CECR2: variants seen among roughly 807,000 people sequenced by gnomAD.
The protein encoded by CECR2 is CECR2 histone acetyl-lysine reader.
CECR2 carries 30 observed loss-of-function variants against 154.5 expected under a neutral mutation model. The ratio of observed to expected loss-of-function variants is 0.19; its 90% CI spans 0.15 to 0.26. The LOEUF is 0.26. Ranked by LOEUF, CECR2 falls within the 10% of genes least tolerant of loss-of-function variation. The probability of loss-of-function intolerance (pLI) is 1.00; values close to 1 mark genes in which losing one functional copy is unlikely to be tolerated. For missense variants in CECR2, 1,743 were observed against 1,829.3 expected, an observed-to-expected ratio of 0.95 and a Z score of 0.86; for synonymous variants, 725 against 683.7, an observed-to-expected ratio of 1.06 and a Z score of -0.94.
intron 1 of CECR2, chr22:17,424,637 A>C (rs2054304159): frequency 6.1e-6 from 1 of 163,470 alleles, no homozygotes; most frequent in Non-Finnish European, 1.5e-5. Context: ...CCCAATGGCC[A>C]AAGTACACTC....
chr22:17,501,412 G>T (rs1486156397), intron 5 of CECR2, among the ~76,000 whole-genome samples: 1 of 152,038 alleles, frequency 6.6e-6, no homozygotes, highest in Non-Finnish European at 1.5e-5. Flanking sequence ...CAAAAAATTA[G>T]CCAGTCGTGG....
Position 17,504,972 on chromosome 22 carries a change from A to T in CECR2, c.826A>T (p.Ser276Cys). The T allele has an allele frequency of 6.2e-7, 1 of 1,613,512 alleles. No homozygotes were observed. Among genetic ancestry groups the T allele is most frequent in the Non-Finnish European group, 8.5e-7 (1 of 1,179,840 alleles). ...LRERQLYKLLSEDFLPEICNM... is the reference protein window; with the variant it reads ...LRERQLYKLLCEDFLPEICNM... ...AGAACGGCAGCTCTACAAGCTCCTC[A>T]GTGAGGACTTCCTGCCTGAGATCTG... The change falls in exon 7 of 19, where the codon AGT (serine) becomes TGT (cysteine). Residue 276 changes from serine (S) to cysteine (C), a missense_variant. Physicochemically the swap from Ser to Cys is moderately radical, Grantham distance 112. Transcript: ENST00000262608.
chr22:17,408,915 T>C (rs1377511950), intron 1 of CECR2, among the ~76,000 whole-genome samples: 1 of 152,178 alleles, frequency 6.6e-6, no homozygotes, highest in Non-Finnish European at 1.5e-5. Context: ...CTGCATCTTC[T>C]ACCTTCCTTA....
intron 9 of CECR2, among the ~76,000 whole-genome samples, chr22:17,535,869 A>G (rs2056429838): frequency 6.6e-6 from 1 of 152,214 alleles, no homozygotes; most frequent in Non-Finnish European, 1.5e-5. Context: ...GTCAAATGCA[A>G]CCCAACAGGG....
At chr22:17,436,068 C>G (rs1442282889) in intron 1 of CECR2, among the ~76,000 whole-genome samples, 3 of 152,206 alleles carry the variant, frequency 2.0e-5, no homozygotes, top group Non-Finnish European at 4.4e-5. Flanking sequence ...AAGAGATTCT[C>G]CTGCCTCAGC....
chr22:17,489,538 C>G (rs1003716311), intron 2 of CECR2, among the ~76,000 whole-genome samples: 15 of 152,204 alleles, frequency 9.9e-5, no homozygotes, highest in Non-Finnish European at 2.9e-5. Flanking sequence ...CCACTGCAGC[C>G]TCGACCTCCT....
At chr22:17,478,715 T>C (rs2055254055) in intron 2 of CECR2, among the ~76,000 whole-genome samples, 1 of 152,170 alleles carries the variant, frequency 6.6e-6, no homozygotes, top group South Asian at 2.1e-4. Context: ...ACGATGCTTG[T>C]TGTTAATGTG....
At chr22:17,511,331 C>T (rs559993115) in intron 7 of CECR2, among the ~76,000 whole-genome samples, 2 of 152,268 alleles carry the variant, frequency 1.3e-5, no homozygotes, top group Admixed American at 1.3e-4. Context: ...GCTCGCTGAG[C>T]CCTTTTCCCA....
At position 17,477,600 on chromosome 22, in the gene CECR2, G is replaced by A. The variant is rs754934325; in HGVS notation, c.139G>A (p.Ala47Thr). 1.2e-6 allele frequency: 2 copies of A among 1,611,990 alleles called. No individual in the cohort carries two copies. Among genetic ancestry groups the A allele is most frequent in the East Asian group, 2.2e-5 (1 of 44,876 alleles). ...CTCCCTCCCTCAGGAGTTAGAAGCC[G>A]CTCTTCACAGAGATGACGTGGAGTT... ...PDFEIEELEA[A>T]LHRDDVEFIS... Residue 47 changes from alanine to threonine, a missense_variant, in exon 2 of 19, where the codon GCT (alanine) becomes ACT (threonine). Physicochemically the swap from Ala to Thr is moderately conservative, Grantham distance 58. Transcript: ENST00000262608.
At chr22:17,490,517 C>T (rs2055508339) in intron 2 of CECR2, among the ~76,000 whole-genome samples, 1 of 152,112 alleles carries the variant, frequency 6.6e-6, no homozygotes, top group African/African-American at 2.4e-5. Flanking sequence ...TCACTGCAAC[C>T]TCCGCCTCCT....
rs994668454 is a variant in CECR2, at chr22:17,503,151, T to C, written c.700+20T>C. On this transcript the variant is annotated intron_variant, in intron 6 of 18. Coordinates refer to ENST00000262608, the MANE Select transcript of CECR2 (RefSeq NM_001290047.2). Reference sequence around the variant, plus strand: ...GACATGGTAATGTTCTTTACTGGCATTTAGAAAGAATTAAATAAATATGAT... The same window carrying C: ...GACATGGTAATGTTCTTTACTGGCACTTAGAAAGAATTAAATAAATATGAT... 1 of 1,601,242 alleles carries C rather than the reference T, an allele frequency of 6.2e-7. No individual in the cohort carries two copies. Among genetic ancestry groups the C allele is most frequent in the East Asian group, 2.2e-5 (1 of 44,728 alleles).
intron 1 of CECR2, among the ~76,000 whole-genome samples, chr22:17,362,169 A>G (rs771845803): frequency 6.6e-6 from 1 of 152,070 alleles, no homozygotes; most frequent in African/African-American, 2.4e-5. Context: ...CAGCCTCCCA[A>G]GTAGCTGGGA....
chr22:17,546,786 C>A (rs567248932), intron 16 of CECR2, among the ~76,000 whole-genome samples: 2 of 152,066 alleles, frequency 1.3e-5, no homozygotes, highest in Admixed American at 1.3e-4. Flanking sequence ...CACCTGTAAT[C>A]CCAGCACTTT....
intron 1 of CECR2, among the ~76,000 whole-genome samples, chr22:17,450,652 C>T (rs191340198): frequency 4.6e-5 from 7 of 152,344 alleles, no homozygotes; most frequent in Non-Finnish European, 1.0e-4. Flanking sequence ...CGTATACAAC[C>T]ATTATCTGTG....
chr22:17,523,390 A>AT (rs766627289), intron 8 of CECR2, among the ~76,000 whole-genome samples: 1 of 151,608 alleles, frequency 6.6e-6, no homozygotes, highest in Non-Finnish European at 1.5e-5. Context: ...AAAAAAAAAA[A>AT]GGAACTGTGT....
chr22:17,534,945 T>C (rs1396027190), intron 9 of CECR2, among the ~76,000 whole-genome samples: 2 of 146,620 alleles, frequency 1.4e-5, no homozygotes, highest in Non-Finnish European at 3.0e-5. Flanking sequence ...GGTCAGGAGA[T>C]CAAGACCATC....
chr22:17,400,905 C>T (rs1046022734), intron 1 of CECR2, among the ~76,000 whole-genome samples: 2 of 151,960 alleles, frequency 1.3e-5, no homozygotes, highest in African/African-American at 2.4e-5. Flanking sequence ...CGCATGCCAC[C>T]GTGGCTGGCT....
At chr22:17,364,342 CAAAAA>C (rs59134897) in intron 1 of CECR2, among the ~76,000 whole-genome samples, 1,308 of 52,948 alleles carry the variant, frequency 0.025, 45 homozygotes, top group African/African-American at 0.14. Context: ...GACTCTGTCT[CAAAAA>C]AAAAAAAAAA....
At chr22:17,518,715 G>A (rs896284644) in intron 8 of CECR2, 10 of 422,864 alleles carry the variant, frequency 2.4e-5, no homozygotes, top group Non-Finnish European at 4.7e-5. Context: ...CTCAGCAGTT[G>A]GCACAGCAGG....
Sources: allele counts gnomAD v4.1 joint callset (sites outside exome capture counted in the v4.1 genomes callset), GRCh38; gene constraint gnomAD v4.1.1; transcripts MANE v1.5; gene names NCBI Gene and HGNC (gene_info 2026-07-23, HGNC 2026-07-21).